PCDHGA4: variants seen among roughly 807,000 people sequenced by gnomAD.
PCDHGA4 encodes protocadherin gamma-A4.
PCDHGA4 carries 38 observed loss-of-function variants against 54.6 expected under a neutral mutation model. The ratio of observed to expected loss-of-function variants is 0.70; its 90% CI spans 0.54 to 0.91. The LOEUF (loss-of-function observed/expected upper bound fraction) is 0.91. Among genes scored for constraint, PCDHGA4 ranks in the 40% least tolerant of loss-of-function variants. The pLI is 0.00. For missense variants in PCDHGA4, 1,298 were observed against 1,220.9 expected (o/e 1.06, Z -0.94); for synonymous variants, 511 against 512.9 (o/e 1.00, Z 0.05).
At chr5:141,402,976 G>C in intron 1 of PCDHGA4, 5 of 1,608,120 alleles carry the variant, frequency 3.1e-6, no homozygotes, top group Non-Finnish European at 4.2e-6. Context: ...CCAAATGCCA[G>C]CTCCGCGGAA....
chr5:141,491,071 C>A lies in PCDHGA4; in HGVS notation c.2515-3736C>A, dbSNP rs987564933. ...TGCGTGGCTCTCCTACTCACTGTTG[C>A]CACAGTCCACAGCCCCAGGACTGTT... On this transcript the variant is annotated intron_variant, in intron 1 of 3. Transcript: ENST00000571252. This position sits in a 1 kb window ranked among gnomAD's most constrained non-coding sequence, Gnocchi z 6.9. 2 of 1,614,034 alleles carry A rather than the reference C, an allele frequency of 1.2e-6. No individual in the cohort carries two copies. The highest frequency in any genetic ancestry group is 1.7e-6 in the Non-Finnish European group (2 of 1,180,036).
chr5:141,398,528 C>T (rs1355149152), intron 1 of PCDHGA4: 2 of 1,613,386 alleles, frequency 1.2e-6, no homozygotes, highest in Non-Finnish European at 1.7e-6. Flanking sequence ...CCAAAATTCA[C>T]GCAAAATTCC....
At chr5:141,478,279 G>A (rs2099443292) in intron 1 of PCDHGA4, 1 of 1,614,202 alleles carries the variant, frequency 6.2e-7, no homozygotes, top group Middle Eastern at 1.6e-4. Context: ...ACAAGTGGAA[G>A]CAGTCTAGAG....
At chr5:141,419,371 C>T (rs751971270) in intron 1 of PCDHGA4, 4 of 1,613,662 alleles carry the variant, frequency 2.5e-6, no homozygotes, top group Non-Finnish European at 8.5e-7. Flanking sequence ...TGTCGTCCTA[C>T]GTGTCCGTGA....
Position 141,491,620 on chromosome 5 carries a change from A to C in PCDHGA4, c.2515-3187A>C. On this transcript the variant is annotated intron_variant, in intron 1 of 3. Coordinates refer to ENST00000571252, the MANE Select transcript of PCDHGA4 (RefSeq NM_018917.4). This position sits in a 1 kb window ranked among gnomAD's most constrained non-coding sequence, Gnocchi z 6.9. ...TGACTTCACTTTTCTAAGACCCCTC[A>C]GCGTTCAGCAGCCCACAGCTCTGGC... is the stretch of plus-strand genomic sequence containing the variant. 6.2e-7 allele frequency: 1 copy of C among 1,613,906 alleles called. No individual in the cohort carries two copies. The highest frequency in any genetic ancestry group is 1.1e-5 in the South Asian group (1 of 91,084).
intron 1 of PCDHGA4, among the ~76,000 whole-genome samples, chr5:141,453,288 ATTATTTATTTAT>A (rs577328880): frequency 6.6e-6 from 1 of 151,342 alleles, no homozygotes; most frequent in African/African-American, 2.4e-5. Context: ...TAATTTTTTA[ATTATTTATTTAT>A]TTATTTATTT....
chr5:141,417,528 A>G, intron 1 of PCDHGA4: 1 of 277,368 alleles, frequency 3.6e-6, no homozygotes, highest in Non-Finnish European at 6.7e-6. Context: ...GTCAACTCGT[A>G]GTTTAAAAAA....
chr5:141,420,197 A>C (rs760921171), intron 1 of PCDHGA4: 2 of 1,613,630 alleles, frequency 1.2e-6, no homozygotes, highest in South Asian at 2.2e-5. Context: ...CACACAAGAT[A>C]ACCTCAACAA....
intron 1 of PCDHGA4, among the ~76,000 whole-genome samples, chr5:141,401,385 T>A (rs965055223): frequency 6.6e-6 from 1 of 152,182 alleles, no homozygotes; most frequent in Non-Finnish European, 1.5e-5. Flanking sequence ...AGAAAAATAC[T>A]ACATGTTATG....
intron 1 of PCDHGA4, among the ~76,000 whole-genome samples, chr5:141,474,990 A>G (rs1245269630): frequency 6.6e-6 from 1 of 152,222 alleles, no homozygotes; most frequent in African/African-American, 2.4e-5. Context: ...GGTGACAACA[A>G]TTCTAAATGC....
Position 141,490,693 on chromosome 5 carries a change from G to A in PCDHGA4, c.2515-4114G>A. On this transcript the variant is annotated intron_variant, in intron 1 of 3. Coordinates refer to ENST00000571252, the MANE Select transcript of PCDHGA4 (RefSeq NM_018917.4). This position sits in a 1 kb window ranked among gnomAD's most constrained non-coding sequence, Gnocchi z 5.4. ...GGCTGCCTCAGATCCAGACACTGGGGATAATGCCCGCCTCACCTACTCCAT... is the reference window on the plus strand; with the variant it reads ...GGCTGCCTCAGATCCAGACACTGGGAATAATGCCCGCCTCACCTACTCCAT... 1.9e-6 allele frequency: 3 copies of A among 1,614,170 alleles called. No homozygotes were observed. Among genetic ancestry groups the A allele is most frequent in the Non-Finnish European group, 2.5e-6 (3 of 1,180,018 alleles).
intron 1 of PCDHGA4, chr5:141,360,769 C>T (rs1427744238): frequency 6.2e-7 from 1 of 1,613,942 alleles, no homozygotes; most frequent in African/African-American, 1.3e-5. Flanking sequence ...TCAATTGGTC[C>T]TCACAGCTGT....
At position 141,432,872 on chromosome 5, in the gene PCDHGA4, C is replaced by T; in HGVS notation, c.2515-61935C>T. On this transcript the variant is annotated intron_variant, in intron 1 of 3. Transcript: ENST00000571252. This position sits in a 1 kb window ranked among gnomAD's most constrained non-coding sequence, Gnocchi z 6.0. ...GGTGGCCGCGGTCTCCTGCGTCTTC[C>T]TGGCCTTCGTCATCTTGCTGCTGGC... is the stretch of plus-strand genomic sequence containing the variant. 1.9e-6 allele frequency: 3 copies of T among 1,614,192 alleles called. No homozygotes were observed. Among genetic ancestry groups the T allele is most frequent in the Non-Finnish European group, 2.5e-6 (3 of 1,180,018 alleles).
intron 1 of PCDHGA4, among the ~76,000 whole-genome samples, chr5:141,462,479 GGTT>G (rs1329069527): frequency 6.6e-6 from 1 of 151,838 alleles, no homozygotes; most frequent in Non-Finnish European, 1.5e-5. Flanking sequence ...TGCTTCTCGT[GGTT>G]GTTGTATCCT....
chr5:141,413,019 C>A (rs1056458163), intron 1 of PCDHGA4: 24 of 683,104 alleles, frequency 3.5e-5, no homozygotes, highest in Non-Finnish European at 5.2e-5. Flanking sequence ...ACTACACAAG[C>A]CCCACAAACC....
intron 1 of PCDHGA4, chr5:141,427,774 G>T: frequency 1.4e-6 from 2 of 1,420,908 alleles, no homozygotes; most frequent in Non-Finnish European, 2.0e-6. Context: ...TTGGAGCTGC[G>T]GGCACTGTCG....
At chr5:141,428,003 C>T in intron 1 of PCDHGA4, 1 of 1,601,362 alleles carries the variant, frequency 6.2e-7, no homozygotes, top group East Asian at 2.2e-5. Flanking sequence ...CCGCACTCTT[C>T]GATATAGTGC....
In PCDHGA4 at chr5:141,511,999, C is replaced by G. The variant is rs1049440139; in HGVS notation, c.*826C>G. ...GTGGATGGTGGGGGCATGGACAAAG[C>G]TTGACACATCAAGTTATCAAGGCCT... is the stretch of plus-strand genomic sequence containing the variant. On this transcript the variant is annotated 3_prime_UTR_variant, in exon 4 of 4. Coordinates refer to ENST00000571252, the MANE Select transcript of PCDHGA4 (RefSeq NM_018917.4). 6.5e-6 allele frequency: 1 copy of G among 153,016 alleles called. No individual in the cohort carries two copies. Among genetic ancestry groups the G allele is most frequent in the Non-Finnish European group, 1.5e-5 (1 of 68,392 alleles). The allele number at this position is 153,016 out of a possible 1,614,324, so 9.5% of individuals were successfully genotyped here. A position where few individuals can be genotyped will look rare whatever the true frequency, so the allele number is the denominator to read the frequency against.
At chr5:141,410,319 C>A in intron 1 of PCDHGA4, 2 of 1,614,018 alleles carry the variant, frequency 1.2e-6, no homozygotes, top group Admixed American at 1.7e-5. Flanking sequence ...TTCCTCCTCG[C>A]CGTGATTCTG....
Sources: allele counts gnomAD v4.1 joint callset (sites outside exome capture counted in the v4.1 genomes callset), GRCh38; gene constraint gnomAD v4.1.1; non-coding constraint Gnocchi (gnomAD v3.1); transcripts MANE v1.5; gene names NCBI Gene and HGNC (gene_info 2026-07-23, HGNC 2026-07-21).